NRG1: variants seen among roughly 807,000 people sequenced by gnomAD.
The protein encoded by NRG1 is pro-neuregulin-1, membrane-bound isoform.
NRG1 carries 18 observed loss-of-function variants against 63.8 expected under a neutral mutation model. The ratio of observed to expected loss-of-function variants is 0.28; its 90% CI spans 0.19 to 0.42. The LOEUF (loss-of-function observed/expected upper bound fraction) is 0.42. NRG1 is among the 10% of genes least tolerant of loss of function. The pLI is 1.00. For missense variants in NRG1, 762 were observed against 814.7 expected, an observed-to-expected ratio of 0.94 and a Z score of 0.79; for synonymous variants, 302 against 301.3, an observed-to-expected ratio of 1.00 and a Z score of -0.02.
chr8:32,171,920 G>T (rs1035082205), intron 1 of NRG1, among the ~76,000 whole-genome samples: 1 of 152,170 alleles, frequency 6.6e-6, no homozygotes, highest in African/African-American at 2.4e-5. Flanking sequence ...ACCTCTGGGG[G>T]CAGGGAATAG....
chr8:31,881,446 C>T (rs1289851750), intron 1 of NRG1, among the ~76,000 whole-genome samples: 2 of 152,170 alleles, frequency 1.3e-5, no homozygotes, highest in Non-Finnish European at 2.9e-5. Flanking sequence ...CTCCTTAGGC[C>T]TCCCTATTCC....
intron 1 of NRG1, among the ~76,000 whole-genome samples, chr8:32,139,715 CT>C (rs1344797969): frequency 6.6e-6 from 1 of 152,076 alleles, no homozygotes; most frequent in Non-Finnish European, 1.5e-5. Context: ...CACTAAAGGA[CT>C]TACCCACGTA....
At chr8:32,492,695 G>A (rs753438028) in intron 1 of NRG1, among the ~76,000 whole-genome samples, 1 of 152,110 alleles carries the variant, frequency 6.6e-6, no homozygotes, top group Non-Finnish European at 1.5e-5. Context: ...CCGTCCCTGT[G>A]TTCTGAGTAA....
chr8:31,987,638 G>A (rs906606602), intron 1 of NRG1, among the ~76,000 whole-genome samples: 19 of 151,750 alleles, frequency 1.3e-4, no homozygotes, highest in Non-Finnish European at 1.2e-4. Context: ...CTACCTATCC[G>A]GTACTATGCT....
At chr8:31,980,784 T>C (rs1382289883) in intron 1 of NRG1, among the ~76,000 whole-genome samples, 1 of 152,070 alleles carries the variant, frequency 6.6e-6, no homozygotes, top group Non-Finnish European at 1.5e-5. Context: ...TAATTATTAA[T>C]AGCAATGTAT....
chr8:31,972,524 C>G (rs190956427), intron 1 of NRG1, among the ~76,000 whole-genome samples: 1 of 152,300 alleles, frequency 6.6e-6, no homozygotes, highest in Non-Finnish European at 1.5e-5. Context: ...CTCTTCTGTA[C>G]TTCTAACTTT....
chr8:32,185,461 G>A (rs981710770), intron 1 of NRG1, among the ~76,000 whole-genome samples: 1 of 152,108 alleles, frequency 6.6e-6, no homozygotes, highest in African/African-American at 2.4e-5. Context: ...GCTATTAGGG[G>A]CTAGACCAAA....
chr8:32,040,941 C>T (rs923383580), intron 1 of NRG1, among the ~76,000 whole-genome samples: 11 of 150,550 alleles, frequency 7.3e-5, no homozygotes, highest in African/African-American at 1.5e-4. Context: ...GATTAAAAAC[C>T]GGAGCCTTAA....
intron 1 of NRG1, among the ~76,000 whole-genome samples, chr8:32,036,026 C>A (rs2130563748): frequency 6.6e-6 from 1 of 152,250 alleles, no homozygotes; most frequent in African/African-American, 2.4e-5. Flanking sequence ...TTCATAGTGT[C>A]ATTAGTCTGT....
intron 1 of NRG1, chr8:32,029,313 A>T (rs554039773): frequency 1.3e-5 from 2 of 152,222 alleles, no homozygotes; most frequent in African/African-American, 4.8e-5. Context: ...TATTCTTATT[A>T]TAAAAAGACA....
chr8:31,888,948 G>T (rs181261777), intron 1 of NRG1, among the ~76,000 whole-genome samples: 2 of 152,202 alleles, frequency 1.3e-5, no homozygotes, highest in African/African-American at 4.8e-5. Context: ...CATAAATATT[G>T]GTTTTTCAGG....
At chr8:32,692,275 C>T (rs749597506) in intron 5 of NRG1, among the ~76,000 whole-genome samples, 5 of 152,212 alleles carry the variant, frequency 3.3e-5, no homozygotes, top group Non-Finnish European at 7.3e-5. Context: ...TTCTAGCCTG[C>T]TGGATTCCAG....
intron 1 of NRG1, among the ~76,000 whole-genome samples, chr8:32,075,746 C>T (rs952206773): frequency 7.2e-6 from 1 of 139,344 alleles, no homozygotes; most frequent in African/African-American, 2.7e-5. Flanking sequence ...AATCTCAGCT[C>T]ACTGCAACCT....
intron 1 of NRG1, among the ~76,000 whole-genome samples, chr8:32,374,241 C>T (rs763904684): frequency 1.3e-5 from 2 of 152,106 alleles, no homozygotes; most frequent in Non-Finnish European, 2.9e-5. Flanking sequence ...TGTCATTTTC[C>T]AGGAGCCAAT....
At chr8:31,780,759 A>G (rs1047195623) in intron 1 of NRG1, among the ~76,000 whole-genome samples, 11 of 152,286 alleles carry the variant, frequency 7.2e-5, no homozygotes, top group Non-Finnish European at 1.3e-4. Flanking sequence ...GTCACCCTAT[A>G]GATATTTCTG....
chr8:32,280,691 G>GTTTTTTTTTTTTTTTTTT (rs1174950316), intron 1 of NRG1, among the ~76,000 whole-genome samples: 1 of 57,628 alleles, frequency 1.7e-5, no homozygotes, highest in Non-Finnish European at 3.4e-5. Flanking sequence ...TTTTTTTTTT[G>GTTTTTTTTTTTTTTTTTT]TTTTTTTTTT....
At chr8:32,725,316 C>A (rs539251261) in intron 5 of NRG1, among the ~76,000 whole-genome samples, 7 of 152,112 alleles carry the variant, frequency 4.6e-5, no homozygotes, top group Admixed American at 3.3e-4. Flanking sequence ...TGCAGGACTG[C>A]GTGGTGACAG....
chr8:32,458,118 A>G (rs186043995), intron 1 of NRG1, among the ~76,000 whole-genome samples: 100 of 152,040 alleles, frequency 6.6e-4, no homozygotes, highest in Non-Finnish European at 9.7e-4. Flanking sequence ...GGGTTTCACT[A>G]TGTTGGCCAG....
intron 1 of NRG1, among the ~76,000 whole-genome samples, chr8:32,569,419 G>T (rs1044539802): frequency 6.6e-6 from 1 of 152,160 alleles, no homozygotes; most frequent in Admixed American, 6.5e-5. Flanking sequence ...ATTTCTGATG[G>T]TTCACTTTAG....
Sources: gnomAD v4.1 joint callset for allele counts (sites outside exome capture counted in the v4.1 genomes callset) on GRCh38, gnomAD v4.1.1 for gene constraint, MANE v1.5 for transcripts, NCBI Gene and HGNC (gene_info 2026-07-23, HGNC 2026-07-21) for gene names.